NME8: variants seen among roughly 807,000 people sequenced by gnomAD.
NME8 encodes the protein protein NME8.
In NME8, 72 loss-of-function variants were observed where a neutral mutation model predicts 82.3. The observed-to-expected ratio is 0.87, with a 90% CI of 0.72 to 1.06. The LOEUF (loss-of-function observed/expected upper bound fraction) is 1.06, where lower values mean the gene tolerates loss of function less well. Among genes scored for constraint, NME8 ranks in the 50% least tolerant of loss-of-function variants. The pLI, the probability that NME8 is intolerant of heterozygous loss-of-function variation, is 0.00. For missense variants in NME8, 712 were observed against 685.4 expected (o/e 1.04, Z -0.43); for synonymous variants, 267 against 228.5 (o/e 1.17, Z -1.52).
rs1384851057 is a variant in NME8 at position 37,852,073 on chromosome 7, A to G, written c.198+1338A>G. On this transcript the variant is annotated intron_variant, in intron 5 of 17. Transcript: ENST00000199447. ...TTCAAGAGAGTAAGTGGCTGTCTACAGTAGTTAAATCCTGTTGTCCTGGTG... is the reference window on the plus strand; with the variant it reads ...TTCAAGAGAGTAAGTGGCTGTCTACGGTAGTTAAATCCTGTTGTCCTGGTG... Among the ~76,000 whole-genome samples, 6 of 151,936 alleles carry G rather than the reference A, an allele frequency of 3.9e-5. No individual in the cohort carries two copies. In the South Asian group the frequency reaches 8.3e-4, roughly 21 times the overall value.
chr7:37,859,609 C>T (rs528687455), intron 6 of NME8, among the ~76,000 whole-genome samples: 7 of 152,164 alleles, frequency 4.6e-5, no homozygotes, highest in Non-Finnish European at 8.8e-5. Context: ...GTCTGTTTCA[C>T]GTGGCTAAAT....
intron 5 of NME8, among the ~76,000 whole-genome samples, chr7:37,852,611 C>T (rs1262136914): frequency 6.6e-6 from 1 of 152,160 alleles, no homozygotes; most frequent in African/African-American, 2.4e-5. Flanking sequence ...GGAGCCTTTT[C>T]AGATTGGCTT....
At chr7:37,853,302 T>C (rs187330734) in intron 5 of NME8, among the ~76,000 whole-genome samples, 123 of 152,284 alleles carry the variant, frequency 8.1e-4, no homozygotes, top group Middle Eastern at 3.4e-3. Flanking sequence ...GTCATTGTAG[T>C]TTTTTTAAAG....
chr7:37,881,186 G>A lies in NME8; in HGVS notation c.995-3117G>A, dbSNP rs950287566. The stretch of plus-strand genomic sequence containing the variant: ...GTTATTTCTTTAGCTAAGATTTCCA[G>A]TATGAATTTGAAGAGGAGTAGTGAG... On this transcript the variant is annotated intron_variant, in intron 12 of 17. Coordinates refer to ENST00000199447, the MANE Select transcript of NME8 (RefSeq NM_016616.5). Among the ~76,000 whole-genome samples the A allele has an allele frequency of 1.8e-4, 28 of 152,026 alleles. 1 individual carries two copies. The highest frequency in any genetic ancestry group is 6.5e-4 in the African/African-American group (27 of 41,384).
chr7:37,850,536 C>T lies in NME8; in HGVS notation c.92-93C>T, dbSNP rs1173983286. ...TCCCCACTTTGACCAAGAAATCCTG[C>T]AGTGCCTTTGCCCTGGCCATGGCTC... On this transcript the variant is annotated intron_variant, in intron 4 of 17. Transcript: ENST00000199447. The T allele has an allele frequency of 1.1e-5, 17 of 1,521,254 alleles. No individual in the cohort carries two copies. In the Middle Eastern group the frequency reaches 5.2e-4, roughly 46 times the overall value. The allele number at this position is 1,521,254 out of a possible 1,614,324, so 94.2% of individuals were successfully genotyped here.
chr7:37,893,253 A>G (rs1306062737), intron 15 of NME8, among the ~76,000 whole-genome samples: 1 of 152,142 alleles, frequency 6.6e-6, no homozygotes, highest in Non-Finnish European at 1.5e-5. Flanking sequence ...GATTTTCCAA[A>G]AACTGCATTA....
intron 15 of NME8, among the ~76,000 whole-genome samples, chr7:37,891,296 G>T (rs117943897): frequency 1.5e-3 from 232 of 151,184 alleles, no homozygotes; most frequent in Non-Finnish European, 1.9e-3. Context: ...CATTTGTCTG[G>T]TTTTGCTTTT....
chr7:37,856,022 T>C (rs1420010367), intron 5 of NME8, among the ~76,000 whole-genome samples: 1 of 152,134 alleles, frequency 6.6e-6, no homozygotes, highest in Non-Finnish European at 1.5e-5. Flanking sequence ...CAATCTAGGG[T>C]ACCTATCAGG....
chr7:37,875,420 C>A lies in NME8; in HGVS notation c.819-1412C>A, dbSNP rs112825424. ...TGCCAAGACACACACACACACACAC[C>A]CACACAGCCCCCCATAGCCCCCACA... On this transcript the variant is annotated intron_variant, in intron 11 of 17. Transcript: ENST00000199447. 6.9e-3 allele frequency among the ~76,000 whole-genome samples: 1,033 copies of A among 150,506 alleles called. 8 individuals carry two copies. The highest frequency in any genetic ancestry group is 0.024 in the African/African-American group (976 of 40,992).
Position 37,865,526 on chromosome 7 carries a change from T to C in NME8, c.530T>C (p.Ile177Thr), listed in dbSNP as rs1784663635. The change falls in exon 10 of 18, where the codon ATT becomes ACT. Residue 177 changes from isoleucine to threonine, a missense_variant and splice_region_variant. Transcript: ENST00000199447. The part of the protein sequence containing the change: ...SKKVLEIKRK[I>T]TKAGFIIEAE... The stretch of plus-strand genomic sequence containing the variant: ...TTTGACCTTACTCTCTAATTGAAGA[T>C]TACCAAAGCTGGATTTATTATAGAA... 1 of 1,608,562 alleles carries C rather than the reference T, an allele frequency of 6.2e-7. No individual in the cohort carries two copies. Among genetic ancestry groups the C allele is most frequent in the Admixed American group, 1.7e-5 (1 of 59,970 alleles).
intron 15 of NME8, among the ~76,000 whole-genome samples, chr7:37,893,408 A>G (rs941853855): frequency 2.6e-5 from 4 of 152,150 alleles, no homozygotes; most frequent in Admixed American, 2.6e-4. Context: ...TGTTGTTTTT[A>G]GAGGAAAGTC....
intron 14 of NME8, among the ~76,000 whole-genome samples, chr7:37,887,786 C>G (rs547263982): frequency 6.6e-6 from 1 of 152,250 alleles, no homozygotes; most frequent in Admixed American, 6.5e-5. Flanking sequence ...CAGAAGGTAC[C>G]TCTTCACAGG....
At chr7:37,862,005 T>A (rs376090348) in intron 6 of NME8, 23 bp from the exon 7 acceptor site, 420 of 1,463,690 alleles carry the variant, frequency 2.9e-4, no homozygotes, top group Non-Finnish European at 3.9e-4. Flanking sequence ...AAAGTTCCCC[T>A]CCTGTTTTCA....
chr7:37,854,138 T>A (rs188716455), intron 5 of NME8, among the ~76,000 whole-genome samples: 1 of 152,030 alleles, frequency 6.6e-6, no homozygotes, highest in East Asian at 1.9e-4. Flanking sequence ...GGAAACCTTA[T>A]GGGTAACATA....
intron 12 of NME8, among the ~76,000 whole-genome samples, chr7:37,882,617 A>AG (rs1562838383): frequency 1.6e-4 from 7 of 42,844 alleles, no homozygotes; most frequent in South Asian, 7.2e-4. Context: ...GAGAGAGAGA[A>AG]AGAAAGAAAG....
chr7:37,894,989 A>G (rs1388905929), intron 16 of NME8, among the ~76,000 whole-genome samples: 1 of 151,844 alleles, frequency 6.6e-6, no homozygotes, highest in East Asian at 1.9e-4. Flanking sequence ...TCGCCAACAT[A>G]CTTAATTGTT....
intron 15 of NME8, among the ~76,000 whole-genome samples, chr7:37,889,006 G>A (rs1469239450): frequency 6.6e-6 from 1 of 151,986 alleles, no homozygotes; most frequent in Admixed American, 6.6e-5. Flanking sequence ...AAGAGTGTAA[G>A]CAGCACTGAG....
At chr7:37,852,861 A>C (rs547576820) in intron 5 of NME8, among the ~76,000 whole-genome samples, 1 of 152,330 alleles carries the variant, frequency 6.6e-6, no homozygotes, top group East Asian at 1.9e-4. Context: ...ACCAAGGAGT[A>C]AGATTGCTGG....
At chr7:37,874,834 T>C (rs75507875) in intron 11 of NME8, among the ~76,000 whole-genome samples, 3,051 of 152,242 alleles carry the variant, frequency 0.02, 66 homozygotes, top group Non-Finnish European at 0.029. Context: ...GAAAAATATA[T>C]ACACAGTTTC....
Sources: allele counts gnomAD v4.1 joint callset (sites outside exome capture counted in the v4.1 genomes callset), GRCh38; gene constraint gnomAD v4.1.1; transcripts MANE v1.5; gene names NCBI Gene and HGNC (gene_info 2026-07-23, HGNC 2026-07-21).